The following NR3C2 variants were observed in gnomAD, a reference collection of about 807,000 sequenced individuals.
The protein encoded by NR3C2 is nuclear receptor subfamily 3 group C member 2.
In NR3C2, 15 loss-of-function variants were observed where a neutral mutation model predicts 86.4. The observed-to-expected ratio is 0.17, with a 90% CI of 0.12 to 0.27. The LOEUF (loss-of-function observed/expected upper bound fraction) is 0.27. Among genes scored for constraint, NR3C2 ranks in the 10% least tolerant of loss-of-function variants. NR3C2 has a pLI of 1.00. For missense variants in NR3C2, 960 were observed against 1,195.6 expected (o/e 0.80, Z 2.91); for synonymous variants, 458 against 450.5 (o/e 1.02, Z -0.21).
intron 2 of NR3C2, among the ~76,000 whole-genome samples, chr4:148,345,042 A>T (rs1744923822): frequency 6.6e-6 from 1 of 152,290 alleles, no homozygotes; most frequent in South Asian, 2.1e-4. Context: ...TGTTCTTTCC[A>T]AAACTTTTAA....
Position 148,269,498 on chromosome 4 carries a change from G to A in NR3C2, c.1758-9381C>T, listed in dbSNP as rs144513299. On this transcript the variant is annotated intron_variant, in intron 2 of 8. Coordinates refer to ENST00000358102, the MANE Select transcript of NR3C2 (RefSeq NM_000901.5). ...TTGTCTTTGTCATAAAACCATATCC[G>A]ATAGTATGCACTTGAGCATATACAG... Among the ~76,000 whole-genome samples the A allele has an allele frequency of 1.7e-4, 26 of 152,182 alleles. No individual in the cohort carries two copies. In the East Asian group the frequency reaches 3.9e-3, roughly 23 times the overall value.
intron 2 of NR3C2, among the ~76,000 whole-genome samples, chr4:148,278,250 G>A (rs1425648991): frequency 6.6e-6 from 1 of 151,978 alleles, no homozygotes; most frequent in Non-Finnish European, 1.5e-5. Context: ...TGGAACCACA[G>A]GTGCATGCCT....
At chr4:148,145,012 C>T (rs909281299) in intron 6 of NR3C2, among the ~76,000 whole-genome samples, 9 of 152,092 alleles carry the variant, frequency 5.9e-5, no homozygotes, top group Admixed American at 5.2e-4. Flanking sequence ...GAATGTCAGG[C>T]GACCCTCAGG....
chr4:148,131,362 G>T (rs1733036862), intron 6 of NR3C2, among the ~76,000 whole-genome samples: 1 of 152,038 alleles, frequency 6.6e-6, no homozygotes, highest in South Asian at 2.1e-4. Flanking sequence ...CTTGTTACAT[G>T]GTCAGTATAA....
At chr4:148,239,178 G>A (rs1177703273) in intron 3 of NR3C2, among the ~76,000 whole-genome samples, 1 of 152,200 alleles carries the variant, frequency 6.6e-6, no homozygotes, top group Non-Finnish European at 1.5e-5. Context: ...GTAAATGTGT[G>A]AATGCTGGGT....
rs529618411 is a variant in NR3C2, at chr4:148,373,771, C to A, written c.1757+61333G>T. ...GGGATTATAGGCATGAGCCACCGCGCCCGGCCAGGATGACATTTTTAATGT... is the reference window on the plus strand; with the variant it reads ...GGGATTATAGGCATGAGCCACCGCGACCGGCCAGGATGACATTTTTAATGT... On this transcript the variant is annotated intron_variant, in intron 2 of 8. Transcript: ENST00000358102. Among the ~76,000 whole-genome samples the A allele has an allele frequency of 2.3e-4, 35 of 152,230 alleles. 1 individual carries two copies. In the South Asian group the frequency reaches 5.8e-3, roughly 25 times the overall value.
upstream of NR3C2, chr4:148,444,059 C>A (rs1233359906): frequency 6.1e-6 from 6 of 985,284 alleles, no homozygotes; most frequent in Admixed American, 1.8e-4. Context: ...CGGGGCCCAC[C>A]GTCACGCGCA....
intron 2 of NR3C2, among the ~76,000 whole-genome samples, chr4:148,299,589 A>G (rs913056166): frequency 2.2e-4 from 33 of 152,168 alleles, no homozygotes; most frequent in African/African-American, 7.7e-4. Context: ...GCATTCTCCA[A>G]TACAAGTCCA....
At chr4:148,142,051 T>G (rs1733635632) in intron 6 of NR3C2, among the ~76,000 whole-genome samples, 1 of 151,952 alleles carries the variant, frequency 6.6e-6, no homozygotes, top group African/African-American at 2.4e-5. Context: ...AAGGGAAGTA[T>G]TAGGAGCAAG....
At chr4:148,347,989 CAGCTTCTAA>C (rs1745082046) in intron 2 of NR3C2, among the ~76,000 whole-genome samples, 1 of 152,154 alleles carries the variant, frequency 6.6e-6, no homozygotes, top group Non-Finnish European at 1.5e-5. Context: ...AAAGAGAATA[CAGCTTCTAA>C]AGACCTTGAT....
chr4:148,424,252 C>A (rs757370746), intron 2 of NR3C2, among the ~76,000 whole-genome samples: 6 of 152,202 alleles, frequency 3.9e-5, no homozygotes, highest in Non-Finnish European at 8.8e-5. Flanking sequence ...GATATCCCTA[C>A]ACATGTACTA....
At chr4:148,317,999 A>G (rs28505258) in intron 2 of NR3C2, among the ~76,000 whole-genome samples, 24,838 of 145,874 alleles carry the variant, frequency 0.17, 2,424 homozygotes, top group African/African-American at 0.27. Context: ...AGCATTAGGT[A>G]TATCTCCCAA....
intron 8 of NR3C2, among the ~76,000 whole-genome samples, chr4:148,106,340 A>G (rs1485158136): frequency 6.6e-6 from 1 of 152,186 alleles, no homozygotes; most frequent in African/African-American, 2.4e-5. Context: ...AGAACTACAA[A>G]CCACTGCTCA....
intron 3 of NR3C2, among the ~76,000 whole-genome samples, chr4:148,213,248 T>C (rs1737369324): frequency 6.6e-6 from 1 of 152,030 alleles, no homozygotes; most frequent in Non-Finnish European, 1.5e-5. Flanking sequence ...ATAGACTGAT[T>C]AAATAGCTGT....
intron 8 of NR3C2, among the ~76,000 whole-genome samples, chr4:148,082,857 G>C (rs114401740): frequency 0.03 from 4,575 of 152,104 alleles, 230 homozygotes; most frequent in African/African-American, 0.1. Flanking sequence ...GTCTGAAGTC[G>C]ACCCGGGATG....
intron 6 of NR3C2, among the ~76,000 whole-genome samples, chr4:148,133,775 A>G (rs994081139): frequency 6.6e-6 from 1 of 152,230 alleles, no homozygotes; most frequent in Non-Finnish European, 1.5e-5. Flanking sequence ...GCGACAGCAG[A>G]GAGTGGCTCA....
intron 2 of NR3C2, among the ~76,000 whole-genome samples, chr4:148,415,824 TC>T (rs1239235299): frequency 2.6e-5 from 4 of 152,174 alleles, no homozygotes; most frequent in Non-Finnish European, 4.4e-5. Flanking sequence ...TAATTTTTCG[TC>T]CTAGAAACAA....
chr4:148,258,576 A>C (rs1739938841), intron 3 of NR3C2, among the ~76,000 whole-genome samples: 1 of 152,242 alleles, frequency 6.6e-6, no homozygotes, highest in African/African-American at 2.4e-5. Context: ...AGAGGTGGGC[A>C]TGTGAGCCAA....
At chr4:148,422,873 TCTC>T (rs1158263990) in intron 2 of NR3C2, among the ~76,000 whole-genome samples, 1 of 152,154 alleles carries the variant, frequency 6.6e-6, no homozygotes, top group Non-Finnish European at 1.5e-5. Flanking sequence ...CTGCTCCTCT[TCTC>T]TTACATTAGA....
Sources: gnomAD v4.1 joint callset for allele counts (sites outside exome capture counted in the v4.1 genomes callset) on GRCh38, gnomAD v4.1.1 for gene constraint, MANE v1.5 for transcripts, NCBI Gene and HGNC (gene_info 2026-07-23, HGNC 2026-07-21) for gene names.